ANXA4: variants seen among roughly 807,000 people sequenced by gnomAD.
The protein encoded by ANXA4 is annexin A4.
A neutral mutation model predicts 49.8 loss-of-function variants in ANXA4; 39 were observed. The ratio of observed to expected loss-of-function variants is 0.78; its 90% CI spans 0.61 to 1.02. The LOEUF is 1.02. ANXA4 is among the 50% of genes least tolerant of loss of function. The probability of loss-of-function intolerance (pLI) is 0.00; values close to 1 mark genes in which losing one functional copy is unlikely to be tolerated. For missense variants in ANXA4, 360 were observed against 410.1 expected, an observed-to-expected ratio of 0.88 and a Z score of 1.05; for synonymous variants, 134 against 152.5, an observed-to-expected ratio of 0.88 and a Z score of 0.89.
intron 7 of ANXA4, chr2:69,810,897 C>T (rs1271827693): frequency 3.7e-6 from 2 of 536,034 alleles, no homozygotes; most frequent in East Asian, 6.3e-5. Context: ...CTAACACCTG[C>T]CAGGTCCCCC....
intron 2 of ANXA4, among the ~76,000 whole-genome samples, chr2:69,704,158 A>G (rs1055879301): frequency 6.6e-6 from 1 of 152,224 alleles, no homozygotes; most frequent in Admixed American, 6.5e-5. Flanking sequence ...ACAGCAAGAA[A>G]TAATACCCCT....
chr2:69,702,200 G>C (rs1327087822), intron 2 of ANXA4, among the ~76,000 whole-genome samples: 2 of 151,810 alleles, frequency 1.3e-5, no homozygotes, highest in Non-Finnish European at 2.9e-5. Flanking sequence ...TTTTAGTAGA[G>C]ATAGGTTTTG....
At chr2:69,676,730 CA>C (rs1286269804) in intron 2 of ANXA4, among the ~76,000 whole-genome samples, 8 of 151,876 alleles carry the variant, frequency 5.3e-5, no homozygotes, top group African/African-American at 7.3e-5. Flanking sequence ...CTGTCTCTAC[CA>C]AAAATACAAA....
At chr2:69,728,310 ATATCT>A (rs1313906243) in intron 3 of ANXA4, among the ~76,000 whole-genome samples, 3 of 152,122 alleles carry the variant, frequency 2.0e-5, no homozygotes, top group Non-Finnish European at 4.4e-5. Context: ...TGTATTGTAA[ATATCT>A]TATCCTACTC....
At chr2:69,805,283 A>G (rs1673395217) in intron 4 of ANXA4, among the ~76,000 whole-genome samples, 1 of 152,066 alleles carries the variant, frequency 6.6e-6, no homozygotes, top group South Asian at 2.1e-4. Flanking sequence ...TGTATATAAC[A>G]GTAGAAAAAT....
At chr2:69,761,200 TA>T (rs1671270879) in intron 1 of ANXA4, among the ~76,000 whole-genome samples, 2 of 152,258 alleles carry the variant, frequency 1.3e-5, no homozygotes, top group South Asian at 4.1e-4. Flanking sequence ...ATTAATGAGA[TA>T]TTTTATAGGC....
chr2:69,825,382 T>G, intron 12 of ANXA4, 74 bp from the exon 13 acceptor site: 1 of 1,249,588 alleles, frequency 8.0e-7, no homozygotes, highest in South Asian at 1.4e-5. Flanking sequence ...CTTGAAAAAG[T>G]TGGCTTAGAT....
chr2:69,651,438 T>C (rs1158008887), intron 1 of ANXA4, among the ~76,000 whole-genome samples: 1 of 152,238 alleles, frequency 6.6e-6, no homozygotes, highest in Non-Finnish European at 1.5e-5. Flanking sequence ...CTGCCAGCTC[T>C]TCCTTTTTAC....
chr2:69,781,152 A>T (rs1312001438), intron 1 of ANXA4: 1 of 210,824 alleles, frequency 4.7e-6, no homozygotes, highest in Non-Finnish European at 9.5e-6. Context: ...CAGTTGGATT[A>T]TCTCTTTTCT....
intron 7 of ANXA4, among the ~76,000 whole-genome samples, chr2:69,812,245 G>A (rs1437282132): frequency 4.0e-5 from 6 of 151,598 alleles, no homozygotes; most frequent in East Asian, 3.9e-4. Context: ...CCTCAGCCTC[G>A]AGTAGCTGGA....
intron 2 of ANXA4, among the ~76,000 whole-genome samples, chr2:69,695,249 G>A (rs951126249): frequency 1.3e-5 from 2 of 152,120 alleles, no homozygotes; most frequent in African/African-American, 2.4e-5. Flanking sequence ...ACCATAAACA[G>A]CATCCATTCT....
rs552061488 is a variant in ANXA4 at position 69,825,686 on chromosome 2, T to G, written c.*171T>G. 1 of 502,904 alleles carries G rather than the reference T, an allele frequency of 2.0e-6. No homozygotes were observed. The highest frequency in any genetic ancestry group is 3.5e-6 in the Non-Finnish European group (1 of 285,338). The allele number at this position is 502,904 out of a possible 1,614,324, so 31.2% of individuals were successfully genotyped here. A position where few individuals can be genotyped will look rare whatever the true frequency, so the allele number is the denominator to read the frequency against. ...ATTATTATTCACCTATAATTAGTCA[T>G]TATGATGCTTTAAAGCTGTACTTGC... On this transcript the variant is annotated 3_prime_UTR_variant, in exon 13 of 13. Coordinates refer to ENST00000394295, the MANE Select transcript of ANXA4 (RefSeq NM_001153.5).
intron 12 of ANXA4, among the ~76,000 whole-genome samples, chr2:69,822,058 T>G (rs1203656312): frequency 2.0e-5 from 3 of 152,146 alleles, no homozygotes; most frequent in Non-Finnish European, 1.5e-5. Context: ...AGCACCAAAC[T>G]TCTTCAAAAA....
At chr2:69,783,110 T>C (rs564538980) in intron 2 of ANXA4, among the ~76,000 whole-genome samples, 19 of 152,340 alleles carry the variant, frequency 1.2e-4, no homozygotes, top group African/African-American at 4.6e-4. Context: ...TTATGCTTTA[T>C]CTCTTCTCTA....
At chr2:69,680,280 C>A (rs1032457730) in intron 2 of ANXA4, among the ~76,000 whole-genome samples, 4 of 152,012 alleles carry the variant, frequency 2.6e-5, no homozygotes, top group Admixed American at 2.0e-4. Context: ...AATGGGATTA[C>A]CTTCTTGATT....
chr2:69,812,042 G>A (rs1309849361), intron 7 of ANXA4, among the ~76,000 whole-genome samples: 1 of 151,960 alleles, frequency 6.6e-6, no homozygotes, highest in Non-Finnish European at 1.5e-5. Flanking sequence ...GAGGGGTAGG[G>A]GGACATTTTT....
intron 2 of ANXA4, among the ~76,000 whole-genome samples, chr2:69,710,942 C>T (rs750449534): frequency 1.6e-4 from 25 of 152,164 alleles, no homozygotes; most frequent in Non-Finnish European, 3.1e-4. Flanking sequence ...GGCAACTCTC[C>T]TCCTAGAAAT....
rs1448018200 is a variant in ANXA4 at position 69,770,736 on chromosome 2, AACACACACGTGCAGAC to A, written c.-46-10760_-46-10745del. ...AAACCTGTACGCACACACACATGCA[AACACACACGTGCAGAC>A]ACACACACGTGCAGACACACACATA... is the stretch of plus-strand genomic sequence containing the variant. On this transcript the variant is annotated intron_variant, in intron 1 of 12. Coordinates refer to ENST00000394295, the MANE Select transcript of ANXA4 (RefSeq NM_001153.5). 3.5e-3 allele frequency among the ~76,000 whole-genome samples: 529 copies of A among 152,138 alleles called. 4 individuals carry two copies. The highest frequency in any genetic ancestry group is 0.011 in the African/African-American group (466 of 41,480).
At chr2:69,782,546 G>A (rs1276495277) in intron 2 of ANXA4, among the ~76,000 whole-genome samples, 1 of 151,792 alleles carries the variant, frequency 6.6e-6, no homozygotes, top group Non-Finnish European at 1.5e-5. Flanking sequence ...TAGAGATGAG[G>A]GGCTCGCTAT....
Sources: allele counts gnomAD v4.1 joint callset (sites outside exome capture counted in the v4.1 genomes callset), GRCh38; gene constraint gnomAD v4.1.1; transcripts MANE v1.5; gene names NCBI Gene and HGNC (gene_info 2026-07-23, HGNC 2026-07-21).